CAMTA1: variants seen among roughly 807,000 people sequenced by gnomAD.
CAMTA1 encodes calmodulin-binding transcription activator 1.
CAMTA1 carries 27 observed loss-of-function variants against 170.9 expected under a neutral mutation model. The observed-to-expected ratio is 0.16, with a 90% CI of 0.12 to 0.22. The LOEUF (loss-of-function observed/expected upper bound fraction) is 0.22, where lower values mean the gene tolerates loss of function less well. Ranked by LOEUF, CAMTA1 falls within the 10% of genes least tolerant of loss-of-function variation. The pLI is 1.00. For synonymous variants in CAMTA1, 833 were observed against 891.5 expected (o/e 0.93, Z 1.17); for missense variants, 1,619 against 2,217.2 (o/e 0.73, Z 5.42).
chr1:7,625,245 C>T (rs1201398710), intron 6 of CAMTA1, among the ~76,000 whole-genome samples: 1 of 152,208 alleles, frequency 6.6e-6, no homozygotes, highest in Non-Finnish European at 1.5e-5. Flanking sequence ...TGCCAAGGAG[C>T]ATGGGGAAGG....
At chr1:7,564,311 G>A (rs879361061) in intron 6 of CAMTA1, among the ~76,000 whole-genome samples, 3 of 152,222 alleles carry the variant, frequency 2.0e-5, no homozygotes, top group Non-Finnish European at 2.9e-5. Context: ...TCCCCTTCCC[G>A]GAGACGGCGT....
In CAMTA1 at chr1:7,249,404, G is replaced by C; in HGVS notation, c.303-87G>C. On this transcript the variant is annotated intron_variant, in intron 4 of 22. Transcript: ENST00000303635. The surrounding 1 kb of genome is among the most constrained non-coding windows in gnomAD (Gnocchi z 4.4). ...AAATGTGGAATATTGCTTTTCTGTAGAGACTTTTACTGGTCGATGATATCT... is the reference window on the plus strand; with the variant it reads ...AAATGTGGAATATTGCTTTTCTGTACAGACTTTTACTGGTCGATGATATCT... 8.0e-7 allele frequency: 1 copy of C among 1,250,924 alleles called. No homozygotes were observed. Among genetic ancestry groups the C allele is most frequent in the South Asian group, 1.6e-5 (1 of 62,550 alleles). 77.5% of individuals were successfully genotyped at this position (1,250,924 alleles called of 1,614,324 possible).
intron 6 of CAMTA1, among the ~76,000 whole-genome samples, chr1:7,542,822 G>T (rs558531731): frequency 1.5e-5 from 2 of 131,010 alleles, no homozygotes; most frequent in African/African-American, 5.2e-5. Flanking sequence ...AAGCCACCAC[G>T]CCTGGCCTAA....
Position 7,004,159 on chromosome 1 carries a change from G to A in CAMTA1, c.235-87145G>A, listed in dbSNP as rs147849114. Among the ~76,000 whole-genome samples the A allele has an allele frequency of 6.9e-3, 1,050 of 152,308 alleles. 6 individuals carry two copies. The highest frequency in any genetic ancestry group is 0.011 in the Non-Finnish European group (748 of 68,020). On this transcript the variant is annotated intron_variant, in intron 3 of 22. Transcript: ENST00000303635. The stretch of plus-strand genomic sequence containing the variant: ...GGATCACCTTATAAACGAAAGTTCC[G>A]TCATCCAGTTAATGGTGAAAAATTG...
intron 4 of CAMTA1, among the ~76,000 whole-genome samples, chr1:7,202,615 C>A (rs1656917846): frequency 6.6e-6 from 1 of 152,026 alleles, no homozygotes; most frequent in South Asian, 2.1e-4. Context: ...GTAATTATTC[C>A]CAAATAGTTT....
chr1:6,898,865 A>G (rs1034859154), intron 3 of CAMTA1, among the ~76,000 whole-genome samples: 11 of 152,108 alleles, frequency 7.2e-5, no homozygotes, highest in African/African-American at 2.4e-4. Context: ...TAGCTGGCCA[A>G]CATGGGGCCC....
chr1:6,897,102 G>T (rs1675808551), intron 3 of CAMTA1, among the ~76,000 whole-genome samples: 1 of 152,170 alleles, frequency 6.6e-6, no homozygotes. Context: ...TGTTTGACCA[G>T]AGCTGAAGAT....
intron 21 of CAMTA1, among the ~76,000 whole-genome samples, chr1:7,753,318 G>A (rs576342945): frequency 6.6e-6 from 1 of 152,332 alleles, no homozygotes; most frequent in Non-Finnish European, 1.5e-5. Flanking sequence ...CTTTATCCAG[G>A]TGAATATTCC....
At chr1:7,493,999 G>A (rs2093784563) in intron 6 of CAMTA1, among the ~76,000 whole-genome samples, 1 of 152,154 alleles carries the variant, frequency 6.6e-6, no homozygotes, top group African/African-American at 2.4e-5. Context: ...AGGGCTAGCG[G>A]GGTAATTTAG....
intron 5 of CAMTA1, among the ~76,000 whole-genome samples, chr1:7,269,155 T>C (rs1669333884): frequency 6.6e-6 from 1 of 152,232 alleles, no homozygotes; most frequent in South Asian, 2.1e-4. Flanking sequence ...CTCACAAGGC[T>C]GAAATCAAGG....
chr1:7,655,020 A>G (rs1178778425), intron 7 of CAMTA1, among the ~76,000 whole-genome samples: 2 of 147,046 alleles, frequency 1.4e-5, no homozygotes, highest in Non-Finnish European at 3.0e-5. Flanking sequence ...ACACACCCCT[A>G]TATACACAAA....
intron 4 of CAMTA1, among the ~76,000 whole-genome samples, chr1:7,094,848 C>T (rs1641881668): frequency 6.6e-6 from 1 of 152,168 alleles, no homozygotes; most frequent in Non-Finnish European, 1.5e-5. Context: ...TTTTTTGGCA[C>T]TTGCTGTGTG....
chr1:6,825,389 T>C (rs1400332930), intron 3 of CAMTA1, among the ~76,000 whole-genome samples, 179 bp downstream of exon 3: 1 of 152,246 alleles, frequency 6.6e-6, no homozygotes, highest in African/African-American at 2.4e-5. Context: ...GATCTGTCTC[T>C]GATCTGCTTG....
chr1:7,095,836 G>A (rs1420122475), intron 4 of CAMTA1, among the ~76,000 whole-genome samples: 2 of 152,248 alleles, frequency 1.3e-5, no homozygotes, highest in Non-Finnish European at 2.9e-5. Flanking sequence ...CAGAGGGCAG[G>A]GAACCGGGCT....
chr1:7,058,318 G>T (rs1221730492), intron 3 of CAMTA1, among the ~76,000 whole-genome samples: 1 of 152,168 alleles, frequency 6.6e-6, no homozygotes, highest in Non-Finnish European at 1.5e-5. Context: ...ATGGGAGACG[G>T]TTTTCTCATT....
At chr1:6,819,795 C>T (rs951730596) in intron 1 of CAMTA1, among the ~76,000 whole-genome samples, 11 of 152,208 alleles carry the variant, frequency 7.2e-5, no homozygotes, top group Non-Finnish European at 1.6e-4. Context: ...AGAACATTCT[C>T]CTCCATAACC....
chr1:6,956,034 G>C (rs1260859979), intron 3 of CAMTA1, among the ~76,000 whole-genome samples: 1 of 152,142 alleles, frequency 6.6e-6, no homozygotes, highest in African/African-American at 2.4e-5. Flanking sequence ...AGGTGCTGCA[G>C]CAGAGCCTCA....
intron 10 of CAMTA1, among the ~76,000 whole-genome samples, chr1:7,672,775 G>A (rs1386870963): frequency 6.6e-6 from 1 of 152,054 alleles, no homozygotes; most frequent in Admixed American, 6.5e-5. Flanking sequence ...TCCACAGCTG[G>A]CTGCACACTC....
intron 11 of CAMTA1, among the ~76,000 whole-genome samples, chr1:7,704,762 C>G (rs2096488794): frequency 6.8e-6 from 1 of 147,874 alleles, no homozygotes; most frequent in East Asian, 2.0e-4. Flanking sequence ...GTCGTTCCAG[C>G]TGCGGCGAGT....
Sources: allele counts gnomAD v4.1 joint callset (sites outside exome capture counted in the v4.1 genomes callset), GRCh38; gene constraint gnomAD v4.1.1; non-coding constraint Gnocchi (gnomAD v3.1); transcripts MANE v1.5; gene names NCBI Gene and HGNC (gene_info 2026-07-23, HGNC 2026-07-21).